Variants in LTAP1 observed in about 807,000 individuals in gnomAD.
LTAP1 encodes the protein lipid transport auxiliary protein 1.
chr1:154,208,119 G>A, the LTAP1 span, among the ~76,000 whole-genome samples: 5 of 151,268 alleles, frequency 3.3e-5, no homozygotes, highest in South Asian at 8.3e-4. Context: ...AAGTAGCAGA[G>A]AGGCTGGGCA....
At chr1:154,214,734 A>G in the LTAP1 span, among the ~76,000 whole-genome samples, 1 of 152,258 alleles carries the variant, frequency 6.6e-6, no homozygotes, top group South Asian at 2.1e-4. Context: ...AATTTAGGAA[A>G]GAACGGGATT....
the LTAP1 span, chr1:154,220,545 C>A: frequency 1.2e-6 from 1 of 862,088 alleles, no homozygotes; most frequent in South Asian, 1.5e-5. Flanking sequence ...CCAAGCCAGA[C>A]CCGGCCTGAA....
the LTAP1 span, chr1:154,206,732 ATAGTT>A: frequency 6.1e-6 from 1 of 163,254 alleles, no homozygotes; most frequent in Non-Finnish European, 1.3e-5. Context: ...TTATTTGATA[ATAGTT>A]CATTTTATTA....
the LTAP1 span, chr1:154,219,715 CAAGG>C: frequency 2.6e-6 from 2 of 773,042 alleles, no homozygotes; most frequent in African/African-American, 3.5e-5. Flanking sequence ...TTAGTAAGTA[CAAGG>C]ACAAGTGCAC....
At chr1:154,215,893 A>G in the LTAP1 span, among the ~76,000 whole-genome samples, 2 of 148,786 alleles carry the variant, frequency 1.3e-5, no homozygotes, top group Non-Finnish European at 1.5e-5. Flanking sequence ...GCTGGAGTGC[A>G]GTGGCGCAAT....
chr1:154,220,033 C>CTGAGAGCCGGAATCT, the LTAP1 span: 1 of 1,101,662 alleles, frequency 9.1e-7, no homozygotes, highest in Non-Finnish European at 1.3e-6. Context: ...CCCCAGATTC[C>CTGAGAGCCGGAATCT]GGCTCTCAGG....
At chr1:154,214,719 G>T in the LTAP1 span, 65 of 593,088 alleles carry the variant, frequency 1.1e-4, no homozygotes, top group African/African-American at 1.1e-3. Flanking sequence ...CAGATAAGAG[G>T]TAAGAATTTA....
At chr1:154,220,437 G>C in the LTAP1 span, 1 of 1,613,844 alleles carries the variant, frequency 6.2e-7, no homozygotes, top group Non-Finnish European at 8.5e-7. Flanking sequence ...GAATTGTTCG[G>C]GTTTACCCCG....
At chr1:154,219,315 G>A in the LTAP1 span, among the ~76,000 whole-genome samples, 64,370 of 152,026 alleles carry the variant, frequency 0.42, 14,248 homozygotes, top group South Asian at 0.64. Flanking sequence ...AGTCACCTAA[G>A]GAGAAAGTAC....
At chr1:154,215,830 CACTA>C in the LTAP1 span, among the ~76,000 whole-genome samples, 12 of 151,388 alleles carry the variant, frequency 7.9e-5, no homozygotes, top group Admixed American at 5.9e-4. Context: ...GGAACATTAC[CACTA>C]ACTTTCTTTT....
chr1:154,211,843 C>T, the LTAP1 span: 1 of 160,470 alleles, frequency 6.2e-6, no homozygotes, highest in Non-Finnish European at 1.4e-5. Flanking sequence ...TGTATAGTTG[C>T]ATCTGCTTTC....
the LTAP1 span, chr1:154,220,027 A>G: frequency 8.8e-7 from 1 of 1,132,408 alleles, no homozygotes; most frequent in East Asian, 2.5e-5. Flanking sequence ...CCAAATCCCC[A>G]GATTCCGGCT....
the LTAP1 span, chr1:154,213,783 G>C: frequency 7.3e-6 from 6 of 817,948 alleles, no homozygotes; most frequent in East Asian, 1.3e-4. Context: ...TTTCCTACTA[G>C]CCAGGGATGT....
the LTAP1 span, among the ~76,000 whole-genome samples, chr1:154,209,495 G>A: frequency 7.0e-6 from 1 of 143,492 alleles, no homozygotes; most frequent in Non-Finnish European, 1.5e-5. Context: ...GCATGATCTT[G>A]GCTCACTGCA....
At chr1:154,214,257 CAA>C in the LTAP1 span, among the ~76,000 whole-genome samples, 1 of 151,956 alleles carries the variant, frequency 6.6e-6, no homozygotes, top group South Asian at 2.1e-4. Flanking sequence ...GCCTGGGCAA[CAA>C]GAGTGAAACT....
At chr1:154,220,538 A>C in the LTAP1 span, 16 of 922,704 alleles carry the variant, frequency 1.7e-5, no homozygotes, top group Non-Finnish European at 2.6e-5. Flanking sequence ...GGGAAGACCA[A>C]GCCAGACCCG....
At chr1:154,218,953 AAAAG>A in the LTAP1 span, among the ~76,000 whole-genome samples, 1 of 152,250 alleles carries the variant, frequency 6.6e-6, no homozygotes, top group Non-Finnish European at 1.5e-5. Flanking sequence ...AGCTAAGATC[AAAAG>A]AATGAATGAG....
the LTAP1 span, among the ~76,000 whole-genome samples, chr1:154,215,288 C>T: frequency 1.3e-5 from 2 of 149,020 alleles, no homozygotes; most frequent in African/African-American, 2.5e-5. Context: ...GTAAAGGGGC[C>T]GGGTGCTGTG....
chr1:154,213,493 G>A, the LTAP1 span, among the ~76,000 whole-genome samples: 1 of 152,152 alleles, frequency 6.6e-6, no homozygotes, highest in African/African-American at 2.4e-5. Context: ...ATCCATCCTA[G>A]GTTTAAGATA....
Sources: allele counts gnomAD v4.1 joint callset (sites outside exome capture counted in the v4.1 genomes callset), GRCh38; gene constraint gnomAD v4.1.1; transcripts MANE v1.5; gene names NCBI Gene and HGNC (gene_info 2026-07-23, HGNC 2026-07-21).